The following DLGAP1 variants were observed in gnomAD, a reference collection of about 807,000 sequenced individuals.
DLGAP1 encodes disks large-associated protein 1.
In DLGAP1, 11 loss-of-function variants were observed where a neutral mutation model predicts 90.8. The ratio of observed to expected loss-of-function variants is 0.12; its 90% CI spans 0.08 to 0.20. DLGAP1 has a LOEUF of 0.20. Ranked by LOEUF, DLGAP1 falls within the 10% of genes least tolerant of loss-of-function variation. DLGAP1 has a pLI of 1.00. For synonymous variants in DLGAP1, 558 were observed against 540.7 expected (o/e 1.03, Z -0.44); for missense variants, 1,050 against 1,333.8 (o/e 0.79, Z 3.31).
At chr18:3,841,632 AG>A (rs1311520411) in intron 4 of DLGAP1, among the ~76,000 whole-genome samples, 6 of 152,340 alleles carry the variant, frequency 3.9e-5, no homozygotes, top group Admixed American at 3.3e-4. Flanking sequence ...CTTGAGCCTC[AG>A]TTCTTTCATT....
chr18:4,151,543 T>C (rs2076674984), intron 1 of DLGAP1, among the ~76,000 whole-genome samples: 1 of 152,214 alleles, frequency 6.6e-6, no homozygotes, highest in Non-Finnish European at 1.5e-5. Flanking sequence ...TTCTACAATA[T>C]ACATTTCCTA....
intron 2 of DLGAP1, among the ~76,000 whole-genome samples, chr18:4,099,616 T>C (rs9967545): frequency 0.36 from 55,065 of 151,956 alleles, 10,528 homozygotes; most frequent in African/African-American, 0.5. Context: ...GGTGAAGGGT[T>C]TTACCTCAAT....
chr18:4,068,591 T>C lies in DLGAP1; in HGVS notation c.-158-63390A>G, dbSNP rs181969996. Among the ~76,000 whole-genome samples, 57 of 152,302 alleles carry C rather than the reference T, an allele frequency of 3.7e-4. 1 individual carries two copies. The South Asian group carries it at 7.5e-3, about 20-fold the overall frequency. On this transcript the variant is annotated intron_variant, in intron 2 of 12. Coordinates refer to ENST00000315677, the MANE Select transcript of DLGAP1 (RefSeq NM_004746.4). Reference sequence around the variant, plus strand: ...TGCATTTTTAACGCATAAAATATGCTTTATAGTATACATTATTGTATAAAA... The same window carrying C: ...TGCATTTTTAACGCATAAAATATGCCTTATAGTATACATTATTGTATAAAA...
chr18:4,391,173 G>T (rs2082332572), intron 1 of DLGAP1, among the ~76,000 whole-genome samples: 2 of 152,148 alleles, frequency 1.3e-5, no homozygotes. Flanking sequence ...TGCTCCTCCT[G>T]CAATCACTTT....
At chr18:3,929,591 T>C (rs1025377884) in intron 3 of DLGAP1, among the ~76,000 whole-genome samples, 12 of 152,204 alleles carry the variant, frequency 7.9e-5, no homozygotes, top group Admixed American at 1.3e-4. Context: ...TCTGGGGCCA[T>C]TGTGCAGAGT....
chr18:3,854,347 T>C (rs1330255112), intron 4 of DLGAP1, among the ~76,000 whole-genome samples: 2 of 151,796 alleles, frequency 1.3e-5, no homozygotes, highest in Admixed American at 6.5e-5. Flanking sequence ...ATTATGAGTA[T>C]TAAAATATCA....
intron 6 of DLGAP1, among the ~76,000 whole-genome samples, chr18:3,741,938 T>C (rs1236010846): frequency 6.6e-6 from 1 of 151,798 alleles, no homozygotes; most frequent in Non-Finnish European, 1.5e-5. Context: ...TGCCTCCCAG[T>C]TTCAAGTGAT....
intron 7 of DLGAP1, among the ~76,000 whole-genome samples, chr18:3,598,699 G>A (rs781071587): frequency 1.1e-4 from 17 of 151,720 alleles, no homozygotes; most frequent in Non-Finnish European, 2.2e-4. Flanking sequence ...AACTCCTGAC[G>A]TCAAGCGATC....
At chr18:3,566,334 A>G (rs2054425853) in intron 9 of DLGAP1, among the ~76,000 whole-genome samples, 1 of 152,134 alleles carries the variant, frequency 6.6e-6, no homozygotes, top group South Asian at 2.1e-4. Flanking sequence ...GCATAATTAT[A>G]TCAGGTTGGT....
chr18:4,406,041 G>T (rs2082657013), intron 1 of DLGAP1, among the ~76,000 whole-genome samples: 1 of 152,162 alleles, frequency 6.6e-6, no homozygotes, highest in Non-Finnish European at 1.5e-5. Flanking sequence ...TTAGTTACTT[G>T]GTTTACGCCC....
chr18:3,817,364 C>T (rs1453117281), intron 4 of DLGAP1, among the ~76,000 whole-genome samples: 1 of 152,174 alleles, frequency 6.6e-6, no homozygotes, highest in Non-Finnish European at 1.5e-5. Flanking sequence ...AGTATTTAAC[C>T]TGTGTATCTT....
At position 3,884,807 on chromosome 18, in the gene DLGAP1, C is replaced by A. The variant is rs572386082; in HGVS notation, c.-72-4667G>T. 3.9e-4 allele frequency among the ~76,000 whole-genome samples: 60 copies of A among 152,112 alleles called. 1 individual carries two copies. Among genetic ancestry groups the A allele is most frequent in the Admixed American group, 7.2e-4 (11 of 15,270 alleles). ...ATAAGCTAACATTCCTCCTTCCTTA[C>A]TTGTATTTGTAAAAGAGATATTGAG... is the stretch of plus-strand genomic sequence containing the variant. On this transcript the variant is annotated intron_variant, in intron 3 of 12. Coordinates refer to ENST00000315677, the MANE Select transcript of DLGAP1 (RefSeq NM_004746.4).
chr18:3,791,916 A>G (rs895833694), intron 5 of DLGAP1, among the ~76,000 whole-genome samples: 2 of 152,180 alleles, frequency 1.3e-5, no homozygotes, highest in African/African-American at 4.8e-5. Context: ...TGCATTTAAA[A>G]AATAAAATTA....
chr18:4,383,884 A>G lies in DLGAP1; in HGVS notation c.-267+71122T>C, dbSNP rs2082178677. Reference sequence around the variant, plus strand: ...TTTCAATGGCTCCTACCAAATAAATAAAATAACTCTGGATCAATTATCCAG... The same window carrying G: ...TTTCAATGGCTCCTACCAAATAAATGAAATAACTCTGGATCAATTATCCAG... On this transcript the variant is annotated intron_variant, in intron 1 of 12. Transcript: ENST00000315677. The surrounding 1 kb of genome is among the most constrained non-coding windows in gnomAD (Gnocchi z 4.0). Among the ~76,000 whole-genome samples the G allele has an allele frequency of 1.3e-5, 2 of 152,162 alleles. No homozygotes were observed. The highest frequency in any genetic ancestry group is 4.8e-5 in the African/African-American group (2 of 41,460).
intron 3 of DLGAP1, among the ~76,000 whole-genome samples, chr18:3,971,857 T>C (rs2073457307): frequency 6.6e-6 from 1 of 152,158 alleles, no homozygotes; most frequent in African/African-American, 2.4e-5. Context: ...ATAAGCATAA[T>C]AATTTTCATG....
chr18:4,141,257 AATTT>A (rs756997248), intron 2 of DLGAP1, among the ~76,000 whole-genome samples: 3 of 151,956 alleles, frequency 2.0e-5, no homozygotes, highest in Non-Finnish European at 4.4e-5. Context: ...TCAAATGAAT[AATTT>A]ATTAGGTGAA....
chr18:3,924,183 G>A (rs1047044165), intron 3 of DLGAP1, among the ~76,000 whole-genome samples: 35 of 152,304 alleles, frequency 2.3e-4, no homozygotes, highest in East Asian at 1.9e-4. Context: ...CGTCATATTA[G>A]CTACATCGCC....
chr18:3,546,414 C>CAAAAAAAAAAAAAAAAA (rs58897010), intron 9 of DLGAP1, among the ~76,000 whole-genome samples: 1 of 122,366 alleles, frequency 8.2e-6, no homozygotes. Flanking sequence ...AACCTTGTCT[C>CAAAAAAAAAAAAAAAAA]AAAAAAAAAA....
intron 4 of DLGAP1, among the ~76,000 whole-genome samples, chr18:3,838,247 G>A (rs2068517093): frequency 6.6e-6 from 1 of 152,160 alleles, no homozygotes; most frequent in African/African-American, 2.4e-5. Flanking sequence ...GTCCAGTTGA[G>A]CTAAGGAAAT....
Sources: allele counts gnomAD v4.1 joint callset (sites outside exome capture counted in the v4.1 genomes callset), GRCh38; gene constraint gnomAD v4.1.1; non-coding constraint Gnocchi (gnomAD v3.1); transcripts MANE v1.5; gene names NCBI Gene and HGNC (gene_info 2026-07-23, HGNC 2026-07-21).